Variants in PCDHA1 observed in about 807,000 individuals in gnomAD.
PCDHA1 encodes protocadherin alpha-1.
Under a neutral mutation model 61.3 loss-of-function variants are expected in PCDHA1, and 42 were observed. The ratio of observed to expected loss-of-function variants is 0.69; its 90% CI spans 0.54 to 0.89. PCDHA1 has a LOEUF of 0.89. Among genes scored for constraint, PCDHA1 ranks in the 40% least tolerant of loss-of-function variants. PCDHA1 has a pLI of 0.00. For synonymous variants in PCDHA1, 610 were observed against 553.8 expected, an observed-to-expected ratio of 1.10 and a Z score of -1.43; for missense variants, 1,256 against 1,235.3, an observed-to-expected ratio of 1.02 and a Z score of -0.25.
chr5:140,797,377 A>G (rs1762220353), intron 1 of PCDHA1: 2 of 1,597,844 alleles, frequency 1.3e-6, no homozygotes, highest in African/African-American at 1.3e-5. Flanking sequence ...TTTTCTTGCC[A>G]ATTCTAAAAT....
chr5:140,932,866 T>C (rs1584758563), intron 1 of PCDHA1, among the ~76,000 whole-genome samples: 1 of 151,996 alleles, frequency 6.6e-6, no homozygotes, highest in Non-Finnish European at 1.5e-5. Flanking sequence ...TTATTGTCTT[T>C]TGTTGTCTTC....
chr5:140,882,369 C>G (rs1554173809), intron 1 of PCDHA1: 4 of 1,614,104 alleles, frequency 2.5e-6, no homozygotes, highest in African/African-American at 1.3e-5. Flanking sequence ...CTCCACTACT[C>G]CGTCCCCGAG....
intron 1 of PCDHA1, chr5:140,824,328 T>C: frequency 4.6e-6 from 3 of 658,016 alleles, no homozygotes; most frequent in Non-Finnish European, 7.8e-6. Flanking sequence ...CTTTCTGTGA[T>C]ATTAAGTGTT....
At chr5:140,980,494 A>T (rs868915196) in intron 2 of PCDHA1, among the ~76,000 whole-genome samples, 1 of 152,106 alleles carries the variant, frequency 6.6e-6, no homozygotes, top group African/African-American at 2.4e-5. Context: ...GCTGGGCGTG[A>T]TGGCATGTGC....
chr5:140,966,818 C>G (rs1376177382), intron 1 of PCDHA1: 1 of 1,554,298 alleles, frequency 6.4e-7, no homozygotes, highest in Admixed American at 1.9e-5. Context: ...ACGGCTCCGG[C>G]GGCCCATGCC....
chr5:140,999,249 G>A (rs1162368060), intron 3 of PCDHA1, among the ~76,000 whole-genome samples: 1 of 152,066 alleles, frequency 6.6e-6, no homozygotes, highest in Non-Finnish European at 1.5e-5. Context: ...AGTGGGAGTT[G>A]GATTAGTAAA....
intron 1 of PCDHA1, chr5:140,797,265 G>A (rs782191162): frequency 1.2e-6 from 2 of 1,614,076 alleles, no homozygotes; most frequent in African/African-American, 2.7e-5. Context: ...CCCCCAAGAC[G>A]GACCTCATGG....
intron 1 of PCDHA1, chr5:140,966,994 C>T: frequency 6.2e-7 from 1 of 1,604,620 alleles, no homozygotes; most frequent in Non-Finnish European, 8.5e-7. Context: ...GGCCGGGTTG[C>T]TTGCGCATCA....
At chr5:140,911,845 A>G (rs1184698013) in intron 1 of PCDHA1, among the ~76,000 whole-genome samples, 2 of 152,216 alleles carry the variant, frequency 1.3e-5, no homozygotes, top group Non-Finnish European at 2.9e-5. Context: ...AAAGAACTCC[A>G]TCCTTAATAG....
At chr5:140,836,549 G>C (rs2150263747) in intron 1 of PCDHA1, 1 of 1,613,770 alleles carries the variant, frequency 6.2e-7, no homozygotes, top group East Asian at 2.2e-5. Flanking sequence ...CGGCGTTGCG[G>C]TGCTCAGCGC....
chr5:140,831,911 T>C (rs1554133416), intron 1 of PCDHA1, among the ~76,000 whole-genome samples: 1 of 152,164 alleles, frequency 6.6e-6, no homozygotes. Context: ...AGCAAGTGCT[T>C]AAAAAATTTG....
At position 140,974,721 on chromosome 5, in the gene PCDHA1, G is replaced by A. The variant is rs1033117636; in HGVS notation, c.2395-4228G>A. 3.9e-5 allele frequency among the ~76,000 whole-genome samples: 6 copies of A among 152,050 alleles called. No homozygotes were observed. In the East Asian group the frequency reaches 1.2e-3, roughly 29 times the overall value. On this transcript the variant is annotated intron_variant, in intron 1 of 3. Transcript: ENST00000504120. ...TCACCATGTTGTTCAAGCTGCTCTCGAACTCCTGTCTCCACCTTGGCCTCC... is the reference window on the plus strand; with the variant it reads ...TCACCATGTTGTTCAAGCTGCTCTCAAACTCCTGTCTCCACCTTGGCCTCC...
Position 140,786,257 on chromosome 5 carries a change from G to A in PCDHA1, c.-34G>A, listed in dbSNP as rs1393867620. The A allele has an allele frequency of 1.3e-6, 2 of 1,542,438 alleles. No individual in the cohort carries two copies. Among genetic ancestry groups the A allele is most frequent in the Admixed American group, 2.1e-5 (1 of 48,016 alleles). ...ATAAAATGGCATGATTTTGAAGTAA[G>A]AGGAGAGCATAAGAAAGGTGTAGTC... On this transcript the variant is annotated 5_prime_UTR_variant, in exon 1 of 4. Coordinates refer to ENST00000504120, the MANE Select transcript of PCDHA1 (RefSeq NM_018900.4).
chr5:140,963,207 CCT>C (rs1246984290), intron 1 of PCDHA1, among the ~76,000 whole-genome samples: 4 of 148,438 alleles, frequency 2.7e-5, no homozygotes, highest in East Asian at 1.9e-4. Flanking sequence ...AAAAAAAAAA[CCT>C]CGTGTTTAGA....
intron 1 of PCDHA1, among the ~76,000 whole-genome samples, chr5:140,964,622 T>C (rs1435749865): frequency 2.0e-5 from 3 of 152,048 alleles, no homozygotes; most frequent in Non-Finnish European, 4.4e-5. Flanking sequence ...ATTCCACTTA[T>C]AAGCCATTTA....
chr5:140,973,850 T>G (rs767532771), intron 1 of PCDHA1, among the ~76,000 whole-genome samples: 25 of 152,176 alleles, frequency 1.6e-4, no homozygotes, highest in Admixed American at 5.2e-4. Flanking sequence ...TGCCTACCAA[T>G]TTTTGCTCTC....
intron 1 of PCDHA1, among the ~76,000 whole-genome samples, chr5:140,878,502 G>A (rs782817563): frequency 2.0e-5 from 3 of 152,028 alleles, no homozygotes; most frequent in Admixed American, 6.5e-5. Flanking sequence ...CCATCTGTAC[G>A]ATACAGTACA....
intron 1 of PCDHA1, chr5:140,795,853 C>G: frequency 6.2e-7 from 1 of 1,613,860 alleles, no homozygotes; most frequent in Non-Finnish European, 8.5e-7. Context: ...TACCATAGAT[C>G]CCATCTCAGG....
At chr5:140,795,235 G>A in intron 1 of PCDHA1, 1 of 1,614,262 alleles carries the variant, frequency 6.2e-7, no homozygotes, top group Non-Finnish European at 8.5e-7. Flanking sequence ...TTCTCGGATC[G>A]ACCGGGAGGA....
Sources: gnomAD v4.1 joint callset for allele counts (sites outside exome capture counted in the v4.1 genomes callset) on GRCh38, gnomAD v4.1.1 for gene constraint, MANE v1.5 for transcripts, NCBI Gene and HGNC (gene_info 2026-07-23, HGNC 2026-07-21) for gene names.